Variants in VPS54 observed in about 807,000 individuals in gnomAD.
VPS54 encodes vacuolar protein sorting-associated protein 54.
Under a neutral mutation model 121.5 loss-of-function variants are expected in VPS54, and 45 were observed. The ratio of observed to expected loss-of-function variants is 0.37; its 90% CI spans 0.29 to 0.47. The LOEUF (loss-of-function observed/expected upper bound fraction) is 0.47. VPS54 is among the 20% of genes least tolerant of loss of function. The pLI is 0.99. For missense variants in VPS54, 1,090 were observed against 1,131.4 expected (o/e 0.96, Z 0.52); for synonymous variants, 371 against 385.8 (o/e 0.96, Z 0.45).
At chr2:63,998,957 C>CT (rs1163648091) in intron 1 of VPS54, among the ~76,000 whole-genome samples, 7 of 151,858 alleles carry the variant, frequency 4.6e-5, no homozygotes, top group East Asian at 1.9e-4. Flanking sequence ...TACCCTTTAG[C>CT]TTTTTTTAAG....
rs190754933 is a variant in VPS54, at chr2:63,973,577, G to A, written c.379-1333C>T. On this transcript the variant is annotated intron_variant, in intron 3 of 22. Transcript: ENST00000272322. ...GTACCAGTCCCTTTTTGTTTTTTGA[G>A]ACTGGGTCTAGTTCTGTTGCCCAGG... Among the ~76,000 whole-genome samples, 393 of 151,806 alleles carry A rather than the reference G, an allele frequency of 2.6e-3. 1 individual carries two copies. The highest frequency in any genetic ancestry group is 3.8e-3 in the Non-Finnish European group (256 of 67,916).
intron 22 of VPS54, among the ~76,000 whole-genome samples, chr2:63,894,345 G>A (rs1307287280): frequency 6.6e-6 from 1 of 152,172 alleles, no homozygotes; most frequent in Admixed American, 6.5e-5. Context: ...GTATGGCATG[G>A]TTATAATGGA....
chr2:63,970,577 G>C (rs1478591894), intron 4 of VPS54, among the ~76,000 whole-genome samples: 1 of 152,014 alleles, frequency 6.6e-6, no homozygotes, highest in Non-Finnish European at 1.5e-5. Flanking sequence ...AAGATCTCCT[G>C]ATTGCCAAAA....
rs147041276 is a variant in VPS54, at chr2:63,972,168, T to A, written c.455A>T (p.His152Leu). ...DTFERTLLHT[H>L]DKSRTDLEQV... ...CTATAAATAACACATATTCATACCA[T>A]GAGTATGTAAAAGAGTCCTTTCGAA... Residue 152 changes from histidine (H) to leucine (L), a missense_variant and splice_region_variant, in exon 4 of 23, where the codon CAT becomes CTT. Physicochemically the swap from His to Leu is moderately conservative, Grantham distance 99 (BLOSUM62 -3). Transcript: ENST00000272322. 24 of 1,567,260 alleles carry A rather than the reference T, an allele frequency of 1.5e-5. No individual in the cohort carries two copies. Among genetic ancestry groups the A allele is most frequent in the Admixed American group, 3.4e-5 (2 of 58,794 alleles).
At chr2:63,944,475 T>C (rs1674885573) in intron 10 of VPS54, 125 bp downstream of exon 10, 1 of 912,234 alleles carries the variant, frequency 1.1e-6, no homozygotes, top group African/African-American at 1.7e-5. Flanking sequence ...TCACTTGTGA[T>C]TTTCCTACAC....
At chr2:63,918,598 T>A (rs1259889842) in intron 15 of VPS54, among the ~76,000 whole-genome samples, 1 of 152,048 alleles carries the variant, frequency 6.6e-6, no homozygotes, top group African/African-American at 2.4e-5. Context: ...AACTGTCATA[T>A]GACAAAAATT....
At chr2:63,991,651 T>C (rs113202804) in intron 1 of VPS54, among the ~76,000 whole-genome samples, 4 of 152,290 alleles carry the variant, frequency 2.6e-5, no homozygotes, top group Admixed American at 1.3e-4. Flanking sequence ...AAGGTAAACA[T>C]TGGGCAAGTA....
chr2:63,893,550 G>C lies in VPS54; in HGVS notation c.2829-15C>G. 1.0e-5 allele frequency: 16 copies of C among 1,593,276 alleles called. No homozygotes were observed. The highest frequency in any genetic ancestry group is 1.4e-5 in the Non-Finnish European group (16 of 1,168,000). On this transcript the variant is annotated splice_polypyrimidine_tract_variant and intron_variant, in intron 22 of 22. Coordinates refer to ENST00000272322, the MANE Select transcript of VPS54 (RefSeq NM_016516.3). ...CTGTGACCAACCTAAATAATGGAGA[G>C]AAAATTATTTTTTAAATCTCAAACT...
intron 10 of VPS54, 29 bp from the exon 11 acceptor site, chr2:63,942,590 A>G: frequency 5.9e-6 from 9 of 1,520,874 alleles, no homozygotes; most frequent in Non-Finnish European, 8.0e-6. Flanking sequence ...AACAAAAATA[A>G]TGATTGTCTC....
intron 3 of VPS54, among the ~76,000 whole-genome samples, chr2:63,972,909 A>G (rs1676352695): frequency 6.6e-6 from 1 of 152,008 alleles, no homozygotes; most frequent in South Asian, 2.1e-4. Context: ...AGAAAGATAG[A>G]AATTAGTTAT....
intron 2 of VPS54, among the ~76,000 whole-genome samples, chr2:63,982,519 T>A (rs1189947559): frequency 6.6e-6 from 1 of 152,242 alleles, no homozygotes; most frequent in Non-Finnish European, 1.5e-5. Context: ...CACAATAGTT[T>A]CATCAACTGA....
intron 12 of VPS54, among the ~76,000 whole-genome samples, chr2:63,923,043 G>T (rs1673717746): frequency 6.6e-6 from 1 of 152,110 alleles, no homozygotes; most frequent in Non-Finnish European, 1.5e-5. Flanking sequence ...CTGGGGCGCG[G>T]TGGCTCACGC....
intron 9 of VPS54, among the ~76,000 whole-genome samples, chr2:63,945,123 T>A (rs1307299527): frequency 6.6e-6 from 1 of 151,976 alleles, no homozygotes; most frequent in East Asian, 1.9e-4. Flanking sequence ...CAATAGCAAA[T>A]ACATGGAATC....
intron 1 of VPS54, among the ~76,000 whole-genome samples, chr2:64,012,069 T>C (rs1678455157): frequency 6.6e-6 from 1 of 152,190 alleles, no homozygotes; most frequent in African/African-American, 2.4e-5. Context: ...GTATTTTAAT[T>C]AATCACTCCT....
intron 1 of VPS54, among the ~76,000 whole-genome samples, 188 bp downstream of exon 1, chr2:64,018,747 GAAA>G (rs35913134): frequency 7.7e-5 from 9 of 116,512 alleles, no homozygotes; most frequent in Non-Finnish European, 1.4e-4. Context: ...GAGTGAAAAG[GAAA>G]AAAAAAAAAA....
At chr2:63,912,261 C>T (rs1673180938) in intron 20 of VPS54, 84 bp downstream of exon 20, 4 of 1,191,326 alleles carry the variant, frequency 3.4e-6, no homozygotes, top group Non-Finnish European at 3.5e-6. Context: ...TATCTTTTCA[C>T]ATCTTAATTT....
chr2:63,934,612 AG>A (rs1490608267), intron 11 of VPS54, among the ~76,000 whole-genome samples: 12 of 152,260 alleles, frequency 7.9e-5, no homozygotes, highest in Admixed American at 7.2e-4. Context: ...ACTTCCTCAG[AG>A]GCCTTCCCTG....
chr2:63,984,847 T>C (rs922298494), intron 1 of VPS54, among the ~76,000 whole-genome samples: 2 of 152,116 alleles, frequency 1.3e-5, no homozygotes, highest in Admixed American at 1.3e-4. Flanking sequence ...AACTGGACAC[T>C]AAAGAACATG....
chr2:63,994,315 C>T (rs967458470), intron 1 of VPS54, among the ~76,000 whole-genome samples: 12 of 152,040 alleles, frequency 7.9e-5, no homozygotes, highest in African/African-American at 2.7e-4. Flanking sequence ...TTAATGATTC[C>T]CCTCCTTATA....
Sources: gnomAD v4.1 joint callset for allele counts (sites outside exome capture counted in the v4.1 genomes callset) on GRCh38, gnomAD v4.1.1 for gene constraint, MANE v1.5 for transcripts, NCBI Gene and HGNC (gene_info 2026-07-23, HGNC 2026-07-21) for gene names.